PTPRG: variants seen among roughly 807,000 people sequenced by gnomAD.
PTPRG encodes the protein protein tyrosine phosphatase receptor type G.
Under a neutral mutation model 165.3 loss-of-function variants are expected in PTPRG, and 102 were observed. That is an observed-to-expected ratio of 0.62 (90% confidence interval 0.53 to 0.73). The LOEUF is 0.73. Among genes scored for constraint, PTPRG ranks in the 30% least tolerant of loss-of-function variants. PTPRG has a pLI of 0.00. For synonymous variants in PTPRG, 675 were observed against 669.5 expected (o/e 1.01, Z -0.13); for missense variants, 1,866 against 1,861.4 (o/e 1.00, Z -0.05).
chr3:61,798,610 T>C (rs1238501600), intron 2 of PTPRG, among the ~76,000 whole-genome samples: 7 of 138,810 alleles, frequency 5.0e-5, no homozygotes, highest in African/African-American at 1.4e-4. Flanking sequence ...GCTGTTGTTG[T>C]TGCTGCTGGT....
intron 26 of PTPRG, among the ~76,000 whole-genome samples, chr3:62,278,462 G>A (rs1416648924): frequency 1.3e-5 from 2 of 152,062 alleles, no homozygotes; most frequent in African/African-American, 4.8e-5. Flanking sequence ...AAATGTTTCT[G>A]CTTAGATCTT....
chr3:61,909,435 A>G (rs903592233), intron 2 of PTPRG, among the ~76,000 whole-genome samples: 1 of 152,096 alleles, frequency 6.6e-6, no homozygotes, highest in Non-Finnish European at 1.5e-5. Flanking sequence ...CTGCAGCCTT[A>G]ACTTCTTGGG....
intron 17 of PTPRG, chr3:62,264,155 A>G (rs956646935): frequency 6.6e-5 from 10 of 151,750 alleles, no homozygotes; most frequent in African/African-American, 2.4e-4. Context: ...GAAAAAAAAA[A>G]AAAAAATTCT....
chr3:62,108,752 C>T (rs925709444), intron 5 of PTPRG, among the ~76,000 whole-genome samples: 45 of 152,182 alleles, frequency 3.0e-4, no homozygotes, highest in Non-Finnish European at 4.6e-4. Flanking sequence ...TGGTGTGAGA[C>T]GGTATCTCAT....
At chr3:62,097,160 C>T (rs1702146522) in intron 5 of PTPRG, among the ~76,000 whole-genome samples, 1 of 152,178 alleles carries the variant, frequency 6.6e-6, no homozygotes. Flanking sequence ...CTTTGTTCCA[C>T]TTAGTATCAT....
At chr3:61,568,887 G>A (rs1699990682) in intron 1 of PTPRG, among the ~76,000 whole-genome samples, 3 of 146,148 alleles carry the variant, frequency 2.1e-5, no homozygotes, top group South Asian at 4.5e-4. Context: ...CAGCCTGTGC[G>A]ACAGAGCAAG....
At chr3:62,107,585 T>TATTGAAATTG (rs1455294671) in intron 5 of PTPRG, among the ~76,000 whole-genome samples, 1 of 152,224 alleles carries the variant, frequency 6.6e-6, no homozygotes, top group East Asian at 1.9e-4. Context: ...GAATTTTGAA[T>TATTGAAATTG]AATATATGGT....
intron 6 of PTPRG, 139 bp from the exon 7 acceptor site, chr3:62,156,928 A>T: frequency 7.7e-6 from 6 of 780,158 alleles, no homozygotes; most frequent in Non-Finnish European, 1.3e-5. Flanking sequence ...CCCACCACCA[A>T]ATGCTAGTGC....
chr3:61,669,496 A>G (rs1050791623), intron 1 of PTPRG, among the ~76,000 whole-genome samples: 1 of 152,168 alleles, frequency 6.6e-6, no homozygotes. Flanking sequence ...ACTCCTTCTT[A>G]CTTCTCTTCC....
chr3:61,834,431 T>A (rs1166076433), intron 2 of PTPRG, among the ~76,000 whole-genome samples: 1 of 152,196 alleles, frequency 6.6e-6, no homozygotes, highest in Non-Finnish European at 1.5e-5. Context: ...TACAGTGGCA[T>A]GTACCTGTAG....
chr3:62,146,588 G>A (rs1704131177), intron 6 of PTPRG, among the ~76,000 whole-genome samples: 1 of 151,482 alleles, frequency 6.6e-6, no homozygotes, highest in Admixed American at 6.6e-5. Flanking sequence ...ATCACTGCAT[G>A]GAGTTGGCCC....
rs1012172155 is a variant in PTPRG, at chr3:62,269,186, G to A, written c.3009+17G>A. On this transcript the variant is annotated intron_variant, in intron 20 of 29. Coordinates refer to ENST00000474889, the MANE Select transcript of PTPRG (RefSeq NM_002841.4). ...GTGAAAAAGGTATGGAAGGAATTGG[G>A]TAGGCTGCCAGGGCATCCCCTTTTT... 3 of 1,565,680 alleles carry A rather than the reference G, an allele frequency of 1.9e-6. No individual in the cohort carries two copies. The highest frequency in any genetic ancestry group is 1.3e-5 in the African/African-American group (1 of 74,140).
intron 1 of PTPRG, among the ~76,000 whole-genome samples, chr3:61,694,008 CAAAAA>C (rs1163062978): frequency 3.1e-5 from 2 of 65,494 alleles, no homozygotes; most frequent in South Asian, 5.1e-4. Context: ...ACTCCATCTC[CAAAAA>C]AAAAAAAAAA....
At chr3:62,171,913 T>A (rs1705231929) in intron 8 of PTPRG, among the ~76,000 whole-genome samples, 1 of 152,168 alleles carries the variant, frequency 6.6e-6, no homozygotes, top group Non-Finnish European at 1.5e-5. Context: ...GCCCTGTATG[T>A]CCCTCCCTCC....
chr3:61,899,314 T>A (rs1336909870), intron 2 of PTPRG, among the ~76,000 whole-genome samples: 1 of 152,106 alleles, frequency 6.6e-6, no homozygotes, highest in Non-Finnish European at 1.5e-5. Context: ...GGAAGAAGAA[T>A]GAAAAATAGG....
chr3:61,622,209 G>T (rs1701478730), intron 1 of PTPRG, among the ~76,000 whole-genome samples: 1 of 152,150 alleles, frequency 6.6e-6, no homozygotes, highest in South Asian at 2.1e-4. Context: ...CGCTCAACAG[G>T]TAATCAAATA....
At chr3:62,173,885 G>T (rs536766155) in intron 8 of PTPRG, among the ~76,000 whole-genome samples, 87 of 152,280 alleles carry the variant, frequency 5.7e-4, no homozygotes, top group African/African-American at 1.7e-3. Flanking sequence ...AGCACAAGAG[G>T]CAGGGCCCCT....
chr3:61,602,434 C>T (rs570337702), intron 1 of PTPRG, among the ~76,000 whole-genome samples: 3 of 152,124 alleles, frequency 2.0e-5, no homozygotes, highest in Non-Finnish European at 2.9e-5. Context: ...ACCTCACACA[C>T]GTGGGCTTCT....
intron 1 of PTPRG, among the ~76,000 whole-genome samples, chr3:61,739,876 A>G (rs1260730303): frequency 6.6e-6 from 1 of 152,206 alleles, no homozygotes; most frequent in Non-Finnish European, 1.5e-5. Flanking sequence ...CTTGCTATTC[A>G]CATAGCATAT....
Sources: gnomAD v4.1 joint callset for allele counts (sites outside exome capture counted in the v4.1 genomes callset) on GRCh38, gnomAD v4.1.1 for gene constraint, MANE v1.5 for transcripts, NCBI Gene and HGNC (gene_info 2026-07-23, HGNC 2026-07-21) for gene names.